The following PKHD1 variants were observed in gnomAD, a reference collection of about 807,000 sequenced individuals.
PKHD1 encodes the protein PKHD1 ciliary IPT domain containing fibrocystin/polyductin.
A neutral mutation model predicts 412.0 loss-of-function variants in PKHD1; 291 were observed. The ratio of observed to expected loss-of-function variants is 0.71; its 90% confidence interval spans 0.64 to 0.78. PKHD1 has a LOEUF of 0.78. PKHD1 is among the 30% of genes least tolerant of loss of function. PKHD1 has a pLI of 0.00. For synonymous variants in PKHD1, 1,777 were observed against 1,821.5 expected, an observed-to-expected ratio of 0.98 and a Z score of 0.62; for missense variants, 4,825 against 4,950.7, an observed-to-expected ratio of 0.97 and a Z score of 0.76.
chr6:51,941,971 T>C (rs1049243447), intron 36 of PKHD1, among the ~76,000 whole-genome samples: 6 of 151,548 alleles, frequency 4.0e-5, no homozygotes, highest in Admixed American at 2.0e-4. Context: ...GTGTTTTCCC[T>C]GCCGATCGTG....
At chr6:51,914,488 G>C (rs995115438) in intron 37 of PKHD1, among the ~76,000 whole-genome samples, 6 of 152,078 alleles carry the variant, frequency 3.9e-5, no homozygotes, top group Admixed American at 6.6e-5. Context: ...ATTTAGATGA[G>C]CTACTACCAT....
At chr6:52,008,218 G>T (rs1799338832) in intron 35 of PKHD1, among the ~76,000 whole-genome samples, 1 of 152,156 alleles carries the variant, frequency 6.6e-6, no homozygotes, top group South Asian at 2.1e-4. Flanking sequence ...TATGAGGCCA[G>T]ATAACTACCG....
chr6:51,910,967 G>T (rs975253282), intron 39 of PKHD1, among the ~76,000 whole-genome samples: 19 of 151,936 alleles, frequency 1.3e-4, no homozygotes, highest in Non-Finnish European at 1.5e-5. Context: ...TTTCTTCCAG[G>T]CTCCACACAT....
At chr6:52,035,436 C>A (rs1391748234) in intron 28 of PKHD1, among the ~76,000 whole-genome samples, 155 bp downstream of exon 28, 2 of 152,154 alleles carry the variant, frequency 1.3e-5, no homozygotes, top group Admixed American at 6.5e-5. Flanking sequence ...TTTCCCACTT[C>A]ATAGCAAAAC....
intron 52 of PKHD1, among the ~76,000 whole-genome samples, chr6:51,816,445 A>T (rs1582853677): frequency 6.6e-6 from 1 of 152,234 alleles, no homozygotes; most frequent in Non-Finnish European, 1.5e-5. Context: ...GAGGTAACAC[A>T]CCTGTGGTGG....
chr6:51,911,719 C>A, intron 39 of PKHD1, 80 bp downstream of exon 39: 4 of 1,254,760 alleles, frequency 3.2e-6, no homozygotes, highest in Non-Finnish European at 3.5e-6. Flanking sequence ...AAGAGGTCAA[C>A]CACAGCAATG....
At chr6:51,960,102 G>A in intron 35 of PKHD1, 76 bp from the exon 36 acceptor site, 1 of 1,308,858 alleles carries the variant, frequency 7.6e-7, no homozygotes. Flanking sequence ...TGGTTCGCTG[G>A]TTTGTTGGTT....
chr6:51,708,894 G>T (rs752578643), intron 60 of PKHD1, among the ~76,000 whole-genome samples: 2 of 152,124 alleles, frequency 1.3e-5, no homozygotes, highest in Non-Finnish European at 2.9e-5. Flanking sequence ...AGAAAAAGAA[G>T]AAAAAGAGAA....
In PKHD1 at chr6:52,007,964, C is replaced by G. The variant is rs567436191; in HGVS notation, c.5751+2345G>C. Among the ~76,000 whole-genome samples the G allele has an allele frequency of 3.0e-4, 45 of 152,296 alleles. No individual in the cohort carries two copies. The South Asian group carries it at 7.3e-3, about 25-fold the overall frequency. On this transcript the variant is annotated intron_variant, in intron 35 of 66. Transcript: ENST00000371117. The stretch of plus-strand genomic sequence containing the variant: ...AGACTGAGTTTGCCATAAATCCCTG[C>G]CATTGTTCCCTCGTGTGCTTCTGGC...
At chr6:51,804,368 G>GT (rs1763403798) in intron 52 of PKHD1, among the ~76,000 whole-genome samples, 1 of 110,526 alleles carries the variant, frequency 9.0e-6, no homozygotes, top group Non-Finnish European at 1.9e-5. Context: ...TTGGGGGGGG[G>GT]GGGGGCGGTA....
At chr6:51,888,452 C>A (rs574462112) in intron 43 of PKHD1, among the ~76,000 whole-genome samples, 1 of 151,518 alleles carries the variant, frequency 6.6e-6, no homozygotes, top group Admixed American at 6.5e-5. Flanking sequence ...AGACTGTACA[C>A]AGATGTATTT....
rs562180799 is a variant in PKHD1 at position 51,794,408 on chromosome 6, A to G, written c.8303-3035T>C. On this transcript the variant is annotated intron_variant, in intron 52 of 66. Coordinates refer to ENST00000371117, the MANE Select transcript of PKHD1 (RefSeq NM_138694.4). ...TTTCTTGTAAATTTAAGATCCTTAT[A>G]GATGCTGGATATTAGACGTTTGTCA... is the stretch of plus-strand genomic sequence containing the variant. Among the ~76,000 whole-genome samples the G allele has an allele frequency of 4.6e-5, 7 of 152,254 alleles. No homozygotes were observed. In the South Asian group the frequency reaches 1.5e-3, roughly 32 times the overall value.
At chr6:51,880,891 G>A (rs1297370970) in intron 46 of PKHD1, among the ~76,000 whole-genome samples, 6 of 148,384 alleles carry the variant, frequency 4.0e-5, no homozygotes, top group East Asian at 2.0e-4. Context: ...GCGTGAACCC[G>A]GGAGGCGGAG....
rs1239275560 is a variant in PKHD1 at position 51,615,806 on chromosome 6, TTGG to T, written c.*3272_*3274del. 1 of 152,222 alleles carries T rather than the reference TTGG, an allele frequency of 6.6e-6. No individual in the cohort carries two copies. Among genetic ancestry groups the T allele is most frequent in the Non-Finnish European group, 1.5e-5 (1 of 68,052 alleles). 9.4% of individuals were successfully genotyped at this position (152,222 alleles called of 1,614,324 possible). A position where few individuals can be genotyped will look rare whatever the true frequency, so the allele number is the denominator to read the frequency against. On this transcript the variant is annotated 3_prime_UTR_variant, in exon 67 of 67. Coordinates refer to ENST00000371117, the MANE Select transcript of PKHD1 (RefSeq NM_138694.4). ...GAGAGAGCTCAACTGTTCTTGGTCCTTGGTGGCCTCACTGGGCAGTAACAAGGG... is the reference window on the plus strand; with the variant it reads ...GAGAGAGCTCAACTGTTCTTGGTCCTTGGCCTCACTGGGCAGTAACAAGGG...
At chr6:51,672,139 A>G (rs1250757343) in intron 60 of PKHD1, among the ~76,000 whole-genome samples, 2 of 152,150 alleles carry the variant, frequency 1.3e-5, no homozygotes, top group East Asian at 3.9e-4. Flanking sequence ...GATTATGTTC[A>G]TAACACAGTG....
intron 43 of PKHD1, among the ~76,000 whole-genome samples, chr6:51,897,680 A>C (rs1780342782): frequency 1.4e-5 from 2 of 146,402 alleles, no homozygotes; most frequent in South Asian, 2.4e-4. Flanking sequence ...CTTTAAATGT[A>C]AATGGACTAA....
chr6:51,625,110 G>A (rs146967479), intron 66 of PKHD1, among the ~76,000 whole-genome samples: 1 of 152,158 alleles, frequency 6.6e-6, no homozygotes, highest in African/African-American at 2.4e-5. Flanking sequence ...TGCCATTTTT[G>A]GTAAAAGCTG....
intron 35 of PKHD1, among the ~76,000 whole-genome samples, chr6:51,969,686 G>T (rs113897415): frequency 2.0e-5 from 3 of 151,938 alleles, no homozygotes; most frequent in African/African-American, 7.3e-5. Flanking sequence ...TAAGATAATG[G>T]TTCCATACAG....
intron 39 of PKHD1, among the ~76,000 whole-genome samples, chr6:51,911,169 T>C (rs569224146): frequency 1.3e-5 from 2 of 152,130 alleles, no homozygotes; most frequent in Non-Finnish European, 2.9e-5. Context: ...TGGACCAAAG[T>C]TGACAAATGA....
Sources: allele counts gnomAD v4.1 joint callset (sites outside exome capture counted in the v4.1 genomes callset), GRCh38; gene constraint gnomAD v4.1.1; transcripts MANE v1.5; gene names NCBI Gene and HGNC (gene_info 2026-07-23, HGNC 2026-07-21).